OPCML: variants seen among roughly 807,000 people sequenced by gnomAD.
OPCML encodes opioid binding protein/cell adhesion molecule like.
OPCML carries 13 observed loss-of-function variants against 37.8 expected under a neutral mutation model. The ratio of observed to expected loss-of-function variants is 0.34; its 90% CI spans 0.22 to 0.55. OPCML has a LOEUF of 0.55. Ranked by LOEUF, OPCML falls within the 20% of genes least tolerant of loss-of-function variation. The pLI is 0.91. For synonymous variants in OPCML, 176 were observed against 168.8 expected (o/e 1.04, Z -0.33); for missense variants, 341 against 435.6 (o/e 0.78, Z 1.93).
chr11:133,210,324 A>T (rs1036506906), intron 1 of OPCML, among the ~76,000 whole-genome samples: 2 of 152,132 alleles, frequency 1.3e-5, no homozygotes, highest in African/African-American at 2.4e-5. Flanking sequence ...GCAAATGGAC[A>T]TGATAATAAA....
intron 1 of OPCML, among the ~76,000 whole-genome samples, chr11:133,078,715 T>C (rs1948661242): frequency 1.3e-5 from 2 of 152,112 alleles, no homozygotes; most frequent in South Asian, 4.2e-4. Context: ...AGCGCCACAA[T>C]GCTCGCTTTT....
chr11:133,330,466 G>C (rs1384139714), intron 1 of OPCML, among the ~76,000 whole-genome samples: 6 of 152,088 alleles, frequency 3.9e-5, no homozygotes, highest in Admixed American at 3.9e-4. Context: ...ACTGGATTAA[G>C]AAAATGTGGC....
chr11:133,217,569 G>A (rs1406524542), intron 1 of OPCML, among the ~76,000 whole-genome samples: 1 of 152,186 alleles, frequency 6.6e-6, no homozygotes, highest in Non-Finnish European at 1.5e-5. Flanking sequence ...AGAGCCCATG[G>A]AGGTGGGTAC....
At chr11:133,296,655 G>A (rs951970173) in intron 1 of OPCML, among the ~76,000 whole-genome samples, 3 of 152,190 alleles carry the variant, frequency 2.0e-5, no homozygotes, top group African/African-American at 7.2e-5. Context: ...GTGGAACTCT[G>A]TAATTCGGGA....
chr11:132,713,087 T>C (rs1158486442), intron 2 of OPCML, among the ~76,000 whole-genome samples: 1 of 152,148 alleles, frequency 6.6e-6, no homozygotes, highest in Non-Finnish European at 1.5e-5. Flanking sequence ...CTCTCTTCCA[T>C]CTGAAAGAGC....
intron 1 of OPCML, among the ~76,000 whole-genome samples, chr11:133,017,830 A>T (rs1947362899): frequency 6.6e-6 from 1 of 152,222 alleles, no homozygotes; most frequent in South Asian, 2.1e-4. Flanking sequence ...ACACTCTAGG[A>T]GTGATCAAGG....
At chr11:133,458,925 C>T (rs1013158353) in intron 1 of OPCML, among the ~76,000 whole-genome samples, 2 of 150,738 alleles carry the variant, frequency 1.3e-5, no homozygotes, top group African/African-American at 4.9e-5. Context: ...ATATAAAGTT[C>T]TCCAGTAAAC....
At chr11:133,299,535 T>C (rs2212517) in intron 1 of OPCML, 8,306 of 152,350 alleles carry the variant, frequency 0.055, 263 homozygotes, top group Non-Finnish European at 0.072. Flanking sequence ...CAATCACTTA[T>C]TTCCCAATTG....
chr11:133,144,597 G>A (rs1003330474), intron 1 of OPCML, among the ~76,000 whole-genome samples: 1 of 152,198 alleles, frequency 6.6e-6, no homozygotes, highest in Non-Finnish European at 1.5e-5. Context: ...CCAGCACACA[G>A]TCAAAGCTTC....
At chr11:133,385,101 T>G (rs1282861819) in intron 1 of OPCML, among the ~76,000 whole-genome samples, 1 of 152,150 alleles carries the variant, frequency 6.6e-6, no homozygotes, top group Non-Finnish European at 1.5e-5. Flanking sequence ...GCTCAGAGGC[T>G]TGTCCTAAGA....
chr11:132,423,274 G>T lies in OPCML; in HGVS notation c.917-2981C>A, dbSNP rs529477257. ...AGCTATGATGAGCACCTGCTTTGTC[G>T]TATCAAATGCCATAGCAATTTACTG... On this transcript the variant is annotated intron_variant, in intron 7 of 7. Transcript: ENST00000524381. Among the ~76,000 whole-genome samples the T allele has an allele frequency of 1.8e-4, 27 of 152,270 alleles. No homozygotes were observed. The South Asian group carries it at 2.3e-3, about 13-fold the overall frequency.
intron 3 of OPCML, among the ~76,000 whole-genome samples, chr11:132,572,329 C>T (rs74624510): frequency 0.026 from 3,915 of 152,138 alleles, 180 homozygotes; most frequent in African/African-American, 0.09. Context: ...ATTGCCAAGA[C>T]CACTGTCATG....
rs563671553 is a variant in OPCML, at chr11:132,529,273, T to A, written c.380-87A>T. On this transcript the variant is annotated intron_variant, in intron 3 of 7. Transcript: ENST00000524381. ...TTAGCCTACAAATTTTTGTATAGCA[T>A]GTTTTTATAATAAATATTGTTTGCA... The A allele has an allele frequency of 1.3e-5, 19 of 1,464,114 alleles. No individual in the cohort carries two copies. The South Asian group carries it at 2.1e-4, about 16-fold the overall frequency. 90.7% of individuals were successfully genotyped at this position (1,464,114 alleles called of 1,614,324 possible). A position where few individuals can be genotyped will look rare whatever the true frequency, so the allele number is the denominator to read the frequency against.
At chr11:133,037,775 G>A (rs1309389075) in intron 1 of OPCML, among the ~76,000 whole-genome samples, 1 of 152,168 alleles carries the variant, frequency 6.6e-6, no homozygotes, top group African/African-American at 2.4e-5. Context: ...CTCATCATCT[G>A]TGCCATGCTG....
At chr11:133,099,480 G>A (rs1330626345) in intron 1 of OPCML, among the ~76,000 whole-genome samples, 3 of 149,414 alleles carry the variant, frequency 2.0e-5, no homozygotes, top group African/African-American at 4.9e-5. Context: ...GTAGAGATGG[G>A]GTTTCATGGT....
intron 3 of OPCML, among the ~76,000 whole-genome samples, chr11:132,556,497 C>A (rs1017907577): frequency 6.6e-6 from 1 of 152,070 alleles, no homozygotes; most frequent in African/African-American, 2.4e-5. Context: ...AATTGGGGTC[C>A]AGAGAGAAGA....
intron 2 of OPCML, among the ~76,000 whole-genome samples, chr11:132,752,629 C>T (rs1381177538): frequency 2.0e-5 from 3 of 151,526 alleles, no homozygotes; most frequent in Non-Finnish European, 4.4e-5. Context: ...CATCCAAATC[C>T]TTACAAAGAA....
Position 133,363,762 on chromosome 11 carries a change from C to T in OPCML, c.61+168502G>A, listed in dbSNP as rs972367472. 2.0e-5 allele frequency among the ~76,000 whole-genome samples: 3 copies of T among 152,216 alleles called. No individual in the cohort carries two copies. In the East Asian group the frequency reaches 5.8e-4, roughly 30 times the overall value. ...CCACGACCCCCAAAGGTCAGTGGGG[C>T]TCTGGGAAGCTGTATCCCAAGCCGA... On this transcript the variant is annotated intron_variant, in intron 1 of 7. Transcript: ENST00000524381.
intron 1 of OPCML, among the ~76,000 whole-genome samples, chr11:133,019,600 G>A (rs572756183): frequency 6.6e-6 from 1 of 152,298 alleles, no homozygotes; most frequent in Admixed American, 6.5e-5. Context: ...TAGAAAAAAG[G>A]AGCTATTTTG....
Sources: gnomAD v4.1 joint callset for allele counts (sites outside exome capture counted in the v4.1 genomes callset) on GRCh38, gnomAD v4.1.1 for gene constraint, MANE v1.5 for transcripts, NCBI Gene and HGNC (gene_info 2026-07-23, HGNC 2026-07-21) for gene names.